CFAP53: variants seen among roughly 807,000 people sequenced by gnomAD.
The protein encoded by CFAP53 is cilia- and flagella-associated protein 53.
CFAP53 carries 62 observed loss-of-function variants against 59.7 expected under a neutral mutation model. The ratio of observed to expected loss-of-function variants is 1.04; its 90% CI spans 0.85 to 1.28. The LOEUF (loss-of-function observed/expected upper bound fraction) is 1.28, where lower values mean the gene tolerates loss of function less well. Among genes scored for constraint, CFAP53 ranks in the 50% most tolerant of loss-of-function variants. The pLI is 0.00. For synonymous variants in CFAP53, 218 were observed against 205.7 expected (o/e 1.06, Z -0.51); for missense variants, 629 against 615.6 (o/e 1.02, Z -0.23).
Position 50,240,654 on chromosome 18 carries a change from GTCTATT to G in CFAP53, c.1214-1955_1214-1950del, listed in dbSNP as rs1196975991. On this transcript the variant is annotated intron_variant, in intron 6 of 7. Transcript: ENST00000398545. ...CTGACTTTTCCTCGTGGCACTGATTGTCTATTTCTAACATCACTGACGAATATAAAA... is the reference window on the plus strand; with the variant it reads ...CTGACTTTTCCTCGTGGCACTGATTGTCTAACATCACTGACGAATATAAAA... Among the ~76,000 whole-genome samples, 15 of 152,322 alleles carry G rather than the reference GTCTATT, an allele frequency of 9.8e-5. No homozygotes were observed. In the South Asian group the frequency reaches 1.0e-3, roughly 11 times the overall value.
intron 3 of CFAP53, among the ~76,000 whole-genome samples, chr18:50,258,221 A>G (rs1284720550): frequency 6.6e-6 from 1 of 152,226 alleles, no homozygotes; most frequent in Non-Finnish European, 1.5e-5. Flanking sequence ...GAGCTATAGT[A>G]CCTCAAACAG....
chr18:50,241,742 G>A (rs2033691944), intron 6 of CFAP53, among the ~76,000 whole-genome samples: 1 of 152,062 alleles, frequency 6.6e-6, no homozygotes, highest in African/African-American at 2.4e-5. Flanking sequence ...AGGATCACAT[G>A]CTTCAAAGGG....
chr18:50,243,842 C>T (rs1462648624), intron 5 of CFAP53, among the ~76,000 whole-genome samples: 1 of 151,972 alleles, frequency 6.6e-6, no homozygotes, highest in East Asian at 1.9e-4. Flanking sequence ...GTCCCAGCTA[C>T]TCGGGAGGCT....
At chr18:50,232,808 G>C (rs990535822) in intron 7 of CFAP53, among the ~76,000 whole-genome samples, 1 of 152,240 alleles carries the variant, frequency 6.6e-6, no homozygotes, top group Non-Finnish European at 1.5e-5. Flanking sequence ...TACTGACCTT[G>C]CACTGTGCAG....
chr18:50,240,675 C>T (rs553906610), intron 6 of CFAP53, among the ~76,000 whole-genome samples: 43 of 152,314 alleles, frequency 2.8e-4, no homozygotes, highest in Non-Finnish European at 5.0e-4. Context: ...ACATCACTGA[C>T]GAATATAAAA....
rs370734627 is a variant in CFAP53, at chr18:50,262,178, T to A, written c.111A>T (p.Leu37=). The part of the protein sequence containing the change: ...PPKGQGAEHH[L]ERIRRSHQKH... The stretch of plus-strand genomic sequence containing the variant: ...TCTGATGGCTGCGTCGGATTCTTTC[T>A]AGATGGTGCTCAGCTCCTTGGCCTT... The change falls in exon 2 of 8, where the codon CTA becomes CTT. Residue 37 remains leucine (L), a synonymous_variant. Coordinates refer to ENST00000398545, the MANE Select transcript of CFAP53 (RefSeq NM_145020.5). 6.6e-5 allele frequency: 106 copies of A among 1,614,224 alleles called. 1 individual carries two copies. In the African/African-American group the frequency reaches 1.4e-3, roughly 21 times the overall value.
Position 50,261,186 on chromosome 18 carries a change from T to C in CFAP53, c.351A>G (p.Gln117=), listed in dbSNP as rs756616274. The C allele has an allele frequency of 7.2e-5, 114 of 1,586,930 alleles. No individual in the cohort carries two copies. Among genetic ancestry groups the C allele is most frequent in the Non-Finnish European group, 9.0e-5 (106 of 1,173,216 alleles). Residue 117 remains glutamine, a synonymous_variant, in exon 3 of 8, where the codon CAA becomes CAG. Coordinates refer to ENST00000398545, the MANE Select transcript of CFAP53 (RefSeq NM_145020.5). ...TCTCCTCAATGGTTTCTTTCTTCAA[T>C]TGCATTTCTGTAAAATACTCATTTT... ...LEENEYFTEM[Q]LKKETIEEKK... is the part of the protein sequence containing the mutation.
At chr18:50,231,603 C>T (rs927628230) in intron 7 of CFAP53, among the ~76,000 whole-genome samples, 2 of 152,210 alleles carry the variant, frequency 1.3e-5, no homozygotes, top group African/African-American at 4.8e-5. Context: ...TTCAGCCTTT[C>T]AGCAGCTGGC....
At chr18:50,232,013 A>T (rs2033588272) in intron 7 of CFAP53, among the ~76,000 whole-genome samples, 1 of 152,158 alleles carries the variant, frequency 6.6e-6, no homozygotes, top group African/African-American at 2.4e-5. Context: ...AAGGCCCCTG[A>T]GTGGCCGAGG....
At position 50,245,138 on chromosome 18, in the gene CFAP53, T is replaced by C. The variant is rs1013142430; in HGVS notation, c.997-2022A>G. Among the ~76,000 whole-genome samples, 3 of 150,372 alleles carry C rather than the reference T, an allele frequency of 2.0e-5. No individual in the cohort carries two copies. The East Asian group carries it at 5.8e-4, about 29-fold the overall frequency. The stretch of plus-strand genomic sequence containing the variant: ...TGGCTCACGCCTGTAATCCCAGCAC[T>C]TTGGGAGGCCGAGGCGGGTGGATCA... On this transcript the variant is annotated intron_variant, in intron 5 of 7. Coordinates refer to ENST00000398545, the MANE Select transcript of CFAP53 (RefSeq NM_145020.5).
intron 2 of CFAP53, among the ~76,000 whole-genome samples, chr18:50,261,764 G>T (rs552800955): frequency 6.6e-6 from 1 of 152,248 alleles, no homozygotes; most frequent in South Asian, 2.1e-4. Context: ...AGAGTAAAAT[G>T]AACAGGTTTC....
At chr18:50,255,593 T>C (rs1183776111) in intron 3 of CFAP53, among the ~76,000 whole-genome samples, 3 of 151,858 alleles carry the variant, frequency 2.0e-5, no homozygotes, top group Admixed American at 2.0e-4. Flanking sequence ...AAACCACTGG[T>C]AATTTTTTCT....
intron 7 of CFAP53, among the ~76,000 whole-genome samples, chr18:50,229,228 A>G (rs1266378879): frequency 6.6e-6 from 1 of 151,152 alleles, no homozygotes; most frequent in Non-Finnish European, 1.5e-5. Flanking sequence ...CAAATCTGAA[A>G]CTCCCTCCCC....
chr18:50,262,649 C>A (rs1241526851), intron 1 of CFAP53, among the ~76,000 whole-genome samples: 1 of 152,076 alleles, frequency 6.6e-6, no homozygotes, highest in Non-Finnish European at 1.5e-5. Context: ...CGGTTGGACA[C>A]CATAGTTATC....
chr18:50,254,131 C>A (rs1206144055), intron 3 of CFAP53, among the ~76,000 whole-genome samples: 4 of 9,270 alleles, frequency 4.3e-4, no homozygotes, highest in Admixed American at 2.6e-3. Context: ...AAAGAAAAAA[C>A]CATTTAAAAA....
At chr18:50,237,567 G>A (rs1039340739) in intron 7 of CFAP53, among the ~76,000 whole-genome samples, 1 of 151,570 alleles carries the variant, frequency 6.6e-6, no homozygotes, top group Non-Finnish European at 1.5e-5. Flanking sequence ...TATGCACCAA[G>A]TGTGAGTAAG....
intron 3 of CFAP53, among the ~76,000 whole-genome samples, chr18:50,260,489 C>T (rs543901279): frequency 3.7e-4 from 56 of 152,168 alleles, no homozygotes; most frequent in African/African-American, 1.3e-3. Flanking sequence ...TGACGAAACC[C>T]CCATCTCTAC....
At chr18:50,264,689 C>CT (rs2033921133) in intron 1 of CFAP53, among the ~76,000 whole-genome samples, 1 of 152,226 alleles carries the variant, frequency 6.6e-6, no homozygotes, top group African/African-American at 2.4e-5. Context: ...TGCACCAACT[C>CT]TAACCTCCTC....
At chr18:50,253,840 C>T (rs1283517613) in intron 3 of CFAP53, among the ~76,000 whole-genome samples, 1 of 152,124 alleles carries the variant, frequency 6.6e-6, no homozygotes, top group East Asian at 1.9e-4. Context: ...AGAGGCAAGA[C>T]TACCTCTGAT....
Sources: allele counts gnomAD v4.1 joint callset (sites outside exome capture counted in the v4.1 genomes callset), GRCh38; gene constraint gnomAD v4.1.1; transcripts MANE v1.5; gene names NCBI Gene and HGNC (gene_info 2026-07-23, HGNC 2026-07-21).